Variants in BCDIN3D observed in about 807,000 individuals in gnomAD.
BCDIN3D encodes RNA 5'-monophosphate methyltransferase.
Under a neutral mutation model 21.2 loss-of-function variants are expected in BCDIN3D, and 15 were observed. That is an observed-to-expected ratio of 0.71 (90% CI 0.47 to 1.09). The LOEUF (loss-of-function observed/expected upper bound fraction) is 1.09. Among genes scored for constraint, BCDIN3D ranks in the 50% least tolerant of loss-of-function variants. The pLI is 0.00. For synonymous variants in BCDIN3D, 127 were observed against 141.9 expected (o/e 0.90, Z 0.75); for missense variants, 331 against 366.2 (o/e 0.90, Z 0.79).
In BCDIN3D at chr12:49,838,562, T is replaced by C. The variant is rs367733046; in HGVS notation, c.688A>G (p.Met230Val). ...AAGATCTGCACAATCTGATTGGGCATGTCACCTCGGATGGCAAGGGAGTGG... is the reference window on the plus strand; with the variant it reads ...AAGATCTGCACAATCTGATTGGGCACGTCACCTCGGATGGCAAGGGAGTGG... ...HFHSLAIRGD[M>V]PNQIVQILTQ... The change falls in exon 2 of 2, where the codon ATG (methionine) becomes GTG (valine). Residue 230 changes from methionine to valine, a missense_variant. By Grantham distance (21) the Met-to-Val change is conservative. Coordinates refer to ENST00000333924, the MANE Select transcript of BCDIN3D (RefSeq NM_181708.3). The C allele has an allele frequency of 1.2e-5, 19 of 1,614,054 alleles. No homozygotes were observed. Among genetic ancestry groups the C allele is most frequent in the Non-Finnish European group, 1.6e-5 (19 of 1,180,040 alleles).
At position 49,838,376 on chromosome 12, in the gene BCDIN3D, G is replaced by A. The variant is rs765137516; in HGVS notation, c.874C>T (p.Gln292Ter). 3.1e-6 allele frequency: 5 copies of A among 1,600,756 alleles called. No homozygotes were observed. In the African/African-American group the frequency reaches 5.3e-5, roughly 17 times the overall value. Residue 292 changes from glutamine (Q) to a stop codon, truncating the protein, a stop_gained, in exon 2 of 2, where the codon CAG (glutamine) becomes TAG (stop). Transcript: ENST00000333924. LOFTEE classifies it high-confidence loss of function. ...KEKNRLSFQK[Q>*] ...GGTCTTCTTGCCCTCCCATCTCACTGCTTCTGGAAACTTAATCTGTTCTTT... is the reference window on the plus strand; with the variant it reads ...GGTCTTCTTGCCCTCCCATCTCACTACTTCTGGAAACTTAATCTGTTCTTT...
At position 49,838,490 on chromosome 12, in the gene BCDIN3D, T is replaced by C; in HGVS notation, c.760A>G (p.Ser254Gly). Residue 254 changes from serine to glycine, a missense_variant, in exon 2 of 2, where the codon AGT becomes GGT. Coordinates refer to ENST00000333924, the MANE Select transcript of BCDIN3D (RefSeq NM_181708.3). Reference protein sequence around the residue: ...MELICCFGNTSWDRSLLLFRA... With the variant: ...MELICCFGNTGWDRSLLLFRA... ...AAGAGCAGAAGGCTTCTGTCCCAAC[T>C]GGTGTTGCCAAAGCAACATATTAAT... The C allele has an allele frequency of 6.2e-7, 1 of 1,614,148 alleles. No individual in the cohort carries two copies. The highest frequency in any genetic ancestry group is 8.5e-7 in the Non-Finnish European group (1 of 1,180,032).
At position 49,836,812 on chromosome 12, in the gene BCDIN3D, C is replaced by T. The variant is rs1946508801; in HGVS notation, c.*1559G>A. On this transcript the variant is annotated 3_prime_UTR_variant, in exon 2 of 2. Transcript: ENST00000333924. The stretch of plus-strand genomic sequence containing the variant: ...TAGCACCTTATTTTTCTTTATCACT[C>T]TATATTCTGCAAAATACCTTCACAT... The T allele has an allele frequency of 6.6e-6, 1 of 152,182 alleles. No individual in the cohort carries two copies. The highest frequency in any genetic ancestry group is 1.5e-5 in the Non-Finnish European group (1 of 68,032). The allele number at this position is 152,182 out of a possible 1,614,324, so 9.4% of individuals were successfully genotyped here. A position where few individuals can be genotyped will look rare whatever the true frequency, so the allele number is the denominator to read the frequency against.
chr12:49,839,210 C>T (rs1946535051), intron 1 of BCDIN3D, 195 bp from the exon 2 acceptor site: 3 of 586,750 alleles, frequency 5.1e-6, no homozygotes, highest in South Asian at 2.1e-5. Flanking sequence ...GGGTCACATG[C>T]TGTAATGCAT....
chr12:49,839,156 T>C, intron 1 of BCDIN3D, 141 bp from the exon 2 acceptor site: 3 of 1,017,796 alleles, frequency 2.9e-6, no homozygotes, highest in Middle Eastern at 3.2e-4. Context: ...CCTAAAGAGG[T>C]TGTGCAAAAA....
chr12:49,839,263 T>C (rs1592772353), intron 1 of BCDIN3D: 1 of 472,580 alleles, frequency 2.1e-6, no homozygotes, highest in African/African-American at 1.9e-5. Context: ...TTGGGTTGTA[T>C]AGCTGAAAGT....
In BCDIN3D at chr12:49,843,074, G is replaced by T. The variant is rs1166463076; in HGVS notation, c.14C>A (p.Thr5Lys). 1.2e-6 allele frequency: 2 copies of T among 1,613,382 alleles called. No individual in the cohort carries two copies. The highest frequency in any genetic ancestry group is 1.1e-5 in the South Asian group (1 of 91,066). Residue 5 changes from threonine to lysine, a missense_variant, in exon 1 of 2, where the codon ACG (threonine) becomes AAG (lysine). Physicochemically the swap from Thr to Lys is moderately conservative, Grantham distance 78 (BLOSUM62 -1). Coordinates refer to ENST00000333924, the MANE Select transcript of BCDIN3D (RefSeq NM_181708.3). Reference sequence around the variant, plus strand: ...CTTAACACTCCCTCCATCCAGTTCCGTGGGCACCGCCATTAGCCTCAACAC... The same window carrying T: ...CTTAACACTCCCTCCATCCAGTTCCTTGGGCACCGCCATTAGCCTCAACAC... MAVP[T>K]ELDGGSVKET...
Position 49,842,940 on chromosome 12 carries a change from G to A in BCDIN3D, c.148C>T (p.Leu50=). 1.2e-6 allele frequency: 2 copies of A among 1,614,214 alleles called. No homozygotes were observed. Among genetic ancestry groups the A allele is most frequent in the Non-Finnish European group, 1.7e-6 (2 of 1,180,026 alleles). ...FHPPEQRLRL[L]PPELLRQLFP... ...AGCTGTCGAAGCAGCTCCGGGGGCA[G>A]GAGGCGGAGCCGTTGCTCCGGAGGG... is the stretch of plus-strand genomic sequence containing the variant. Residue 50 remains leucine (L), a synonymous_variant, in exon 1 of 2, where the codon CTG becomes TTG. Transcript: ENST00000333924.
chr12:49,841,065 C>T (rs1349918542), intron 1 of BCDIN3D: 1 of 151,650 alleles, frequency 6.6e-6, no homozygotes, highest in Non-Finnish European at 1.5e-5. Context: ...AAAAAGCACC[C>T]ATAAATTATG....
In BCDIN3D at chr12:49,838,803, G is replaced by C; in HGVS notation, c.447C>G (p.Phe149Leu). Reference sequence around the variant, plus strand: ...AAACTGAACGTCCAAATTGGCTTAAGAAAGAGCTCAAGAGAACCTTCCGGG... The same window carrying C: ...AAACTGAACGTCCAAATTGGCTTAACAAAGAGCTCAAGAGAACCTTCCGGG... The part of the protein sequence containing the change: ...QRTRKVLLSS[F>L]LSQFGRSVFD... The change falls in exon 2 of 2, where the codon TTC becomes TTG. Residue 149 changes from phenylalanine (F) to leucine (L), a missense_variant. Transcript: ENST00000333924. 1 of 1,614,184 alleles carries C rather than the reference G, an allele frequency of 6.2e-7. No individual in the cohort carries two copies. Among genetic ancestry groups the C allele is most frequent in the Non-Finnish European group, 8.5e-7 (1 of 1,180,030 alleles).
intron 1 of BCDIN3D, among the ~76,000 whole-genome samples, chr12:49,841,445 G>A (rs753907373): frequency 2.0e-5 from 3 of 152,012 alleles, no homozygotes; most frequent in Non-Finnish European, 4.4e-5. Context: ...CTCCATAAAC[G>A]TACAGCCAGG....
At position 49,837,305 on chromosome 12, in the gene BCDIN3D, T is replaced by TTTTTTTTTTTC. The variant is rs1491584039; in HGVS notation, c.*1065_*1066insGAAAAAAAAAA. 4.9e-5 allele frequency: 5 copies of TTTTTTTTTTTC among 103,090 alleles called. No homozygotes were observed. Among genetic ancestry groups the TTTTTTTTTTTC allele is most frequent in the African/African-American group, 7.1e-5 (2 of 28,026 alleles). 6.4% of individuals were successfully genotyped at this position (103,090 alleles called of 1,614,324 possible). On this transcript the variant is annotated 3_prime_UTR_variant, in exon 2 of 2. Coordinates refer to ENST00000333924, the MANE Select transcript of BCDIN3D (RefSeq NM_181708.3). ...TTTTTGTTTTTTTTTTTTTTTTTTT[T>TTTTTTTTTTTC]GAGACGGAGTCTCGCTCTGTCGCCC...
At position 49,838,714 on chromosome 12, in the gene BCDIN3D, AG is replaced by A; in HGVS notation, c.535del (p.Leu179TyrfsTer60). 6.2e-7 allele frequency: 1 copy of A among 1,614,208 alleles called. No individual in the cohort carries two copies. The highest frequency in any genetic ancestry group is 8.5e-7 in the Non-Finnish European group (1 of 1,180,004). Reference protein sequence around the residue: ...WIHLNHGDHGLWEFLAHLSSL... With the variant: ...WIHLNHGDHGXWEFLAHLSSL... ...GGAAAGATGGGCCAGGAACTCCCAT[AG>A]GCCATGGTCTCCATGATTCAGATGA... On this transcript the variant is annotated frameshift_variant, in exon 2 of 2. Coordinates refer to ENST00000333924, the MANE Select transcript of BCDIN3D (RefSeq NM_181708.3). LOFTEE classifies it high-confidence loss of function.
Position 49,843,009 on chromosome 12 carries a change from C to G in BCDIN3D, c.79G>C (p.Gly27Arg), listed in dbSNP as rs1483295301. ...GGAAAATTTCCGAACGGGGCGGCGC[C>G]AGGTGCCAGAACTCGCGATTCCTCT... Reference protein sequence around the residue: ...AEEESRVLAPGAAPFGNFPHY... With the variant: ...AEEESRVLAPRAAPFGNFPHY... The change falls in exon 1 of 2, where the codon GGC becomes CGC. Residue 27 changes from glycine (G) to arginine (R), a missense_variant. By Grantham distance (125) the Gly-to-Arg change is moderately radical. Coordinates refer to ENST00000333924, the MANE Select transcript of BCDIN3D (RefSeq NM_181708.3). The G allele has an allele frequency of 6.2e-7, 1 of 1,614,214 alleles. No homozygotes were observed. Among genetic ancestry groups the G allele is most frequent in the South Asian group, 1.1e-5 (1 of 91,088 alleles).
chr12:49,842,824 G>A, intron 1 of BCDIN3D, 30 bp downstream of exon 1: 2 of 1,556,044 alleles, frequency 1.3e-6, no homozygotes, highest in Non-Finnish European at 1.7e-6. Flanking sequence ...ACTTGGCTCC[G>A]GATGCTCCAA....
At position 49,837,178 on chromosome 12, in the gene BCDIN3D, T is replaced by C. The variant is rs1397301706; in HGVS notation, c.*1193A>G. 1 of 151,748 alleles carries C rather than the reference T, an allele frequency of 6.6e-6. No homozygotes were observed. The highest frequency in any genetic ancestry group is 1.5e-5 in the Non-Finnish European group (1 of 68,004). 9.4% of individuals were successfully genotyped at this position (151,748 alleles called of 1,614,324 possible). ...TGTTGATTCTGATGTACCTAAGAAC[T>C]AAGGGATATAATGACAAAACAGGAA... is the stretch of plus-strand genomic sequence containing the variant. On this transcript the variant is annotated 3_prime_UTR_variant, in exon 2 of 2. Transcript: ENST00000333924.
In BCDIN3D at chr12:49,836,628, C is replaced by G. The variant is rs944451637; in HGVS notation, c.*1743G>C. 7.9e-5 allele frequency: 12 copies of G among 152,226 alleles called. No individual in the cohort carries two copies. The highest frequency in any genetic ancestry group is 2.0e-4 in the Admixed American group (3 of 15,270). 9.4% of individuals were successfully genotyped at this position (152,226 alleles called of 1,614,324 possible). On this transcript the variant is annotated 3_prime_UTR_variant, in exon 2 of 2. Transcript: ENST00000333924. ...CCAACACTGCTTCCTTTAAAATGCT[C>G]TGTAGCACTGAAGCTGGACTCCTTA...
rs1370920811 is a variant in BCDIN3D at position 49,836,494 on chromosome 12, A to C, written c.*1877T>G. The C allele has an allele frequency of 6.6e-6, 1 of 152,164 alleles. No homozygotes were observed. 9.4% of individuals were successfully genotyped at this position (152,164 alleles called of 1,614,324 possible). On this transcript the variant is annotated 3_prime_UTR_variant, in exon 2 of 2. Transcript: ENST00000333924. ...CACCCAGCAGGGTTACAGGGTTTCA[A>C]AGTGTTCCTAAATTAAGATCTTGTG...
rs759768216 is a variant in BCDIN3D, at chr12:49,838,626, C to G, written c.624G>C (p.Arg208Ser). ...CATGGAGTCCCAGCTTTCGGAGACG[C>G]CTTGCAGCTGCCCGGTAACACTTCC... ...QPWKCYRAAA[R>S]RLRKLGLHDF... Residue 208 changes from arginine (R) to serine (S), a missense_variant, in exon 2 of 2, where the codon AGG (arginine) becomes AGC (serine). Physicochemically the swap from Arg to Ser is moderately radical, Grantham distance 110. Transcript: ENST00000333924. 1.1e-5 allele frequency: 18 copies of G among 1,613,722 alleles called. No individual in the cohort carries two copies. Among genetic ancestry groups the G allele is most frequent in the Admixed American group, 8.3e-5 (5 of 59,992 alleles).
Sources: allele counts gnomAD v4.1 joint callset (sites outside exome capture counted in the v4.1 genomes callset), GRCh38; gene constraint gnomAD v4.1.1; transcripts MANE v1.5; gene names NCBI Gene and HGNC (gene_info 2026-07-23, HGNC 2026-07-21).